RABGAP1L: variants seen among roughly 807,000 people sequenced by gnomAD.
RABGAP1L encodes the protein RAB GTPase activating protein 1 like, also known as rab GTPase-activating protein 1-like.
A neutral mutation model predicts 137.7 loss-of-function variants in RABGAP1L; 63 were observed. The observed-to-expected ratio is 0.46, with a 90% CI of 0.37 to 0.56. The LOEUF (loss-of-function observed/expected upper bound fraction) is 0.56, where lower values mean the gene tolerates loss of function less well. Among genes scored for constraint, RABGAP1L ranks in the 20% least tolerant of loss-of-function variants. The probability of loss-of-function intolerance (pLI) is 0.00; values close to 1 mark genes in which losing one functional copy is unlikely to be tolerated. For synonymous variants in RABGAP1L, 431 were observed against 433.7 expected (o/e 0.99, Z 0.08); for missense variants, 1,095 against 1,244.0 (o/e 0.88, Z 1.80).
intron 11 of RABGAP1L, among the ~76,000 whole-genome samples, chr1:174,322,796 G>T (rs1322748655): frequency 1.3e-5 from 2 of 152,226 alleles, no homozygotes; most frequent in East Asian, 1.9e-4. Context: ...ACATGCAGGA[G>T]ATTTTGGGGG....
intron 1 of RABGAP1L, among the ~76,000 whole-genome samples, chr1:174,212,609 C>T (rs552734840): frequency 5.9e-5 from 9 of 151,896 alleles, no homozygotes; most frequent in East Asian, 5.8e-4. Flanking sequence ...TTCAAGTAAG[C>T]GACCTAACAA....
At chr1:174,255,116 G>T (rs1053380848) in intron 7 of RABGAP1L, among the ~76,000 whole-genome samples, 3 of 151,860 alleles carry the variant, frequency 2.0e-5, no homozygotes, top group African/African-American at 4.8e-5. Flanking sequence ...TCATATGTTT[G>T]TTGGCCGCAT....
At chr1:174,247,731 C>T (rs1571763933) in intron 5 of RABGAP1L, among the ~76,000 whole-genome samples, 1 of 152,128 alleles carries the variant, frequency 6.6e-6, no homozygotes, top group Non-Finnish European at 1.5e-5. Flanking sequence ...CCACCTGCTA[C>T]GTGAATTGCA....
chr1:174,383,144 C>G (rs1381886027), intron 12 of RABGAP1L, among the ~76,000 whole-genome samples: 26 of 144,252 alleles, frequency 1.8e-4, no homozygotes, highest in East Asian at 4.1e-4. Flanking sequence ...GCAGTCTGCC[C>G]GTTCTCAGAT....
Position 174,990,647 on chromosome 1 carries a change from T to C in RABGAP1L, c.*646T>C, listed in dbSNP as rs990211301. 5 of 152,222 alleles carry C rather than the reference T, an allele frequency of 3.3e-5. No homozygotes were observed. The highest frequency in any genetic ancestry group is 9.7e-5 in the African/African-American group (4 of 41,448). 9.4% of individuals were successfully genotyped at this position (152,222 alleles called of 1,614,324 possible). ...AGATTATACGCTAGGTAAAAGGAAC[T>C]GAAATTTTAATAAGTGTAGGTCAGG... On this transcript the variant is annotated 3_prime_UTR_variant, in exon 26 of 26. Transcript: ENST00000681986.
chr1:174,308,947 C>G (rs1678558269), intron 11 of RABGAP1L, among the ~76,000 whole-genome samples: 1 of 151,846 alleles, frequency 6.6e-6, no homozygotes, highest in African/African-American at 2.4e-5. Context: ...GTGTTGTGAT[C>G]TGTAGATTTC....
chr1:174,694,095 A>T (rs1679071827), intron 15 of RABGAP1L, among the ~76,000 whole-genome samples: 1 of 152,222 alleles, frequency 6.6e-6, no homozygotes, highest in South Asian at 2.1e-4. Context: ...GATGATTTAA[A>T]GTAGATTACT....
intron 10 of RABGAP1L, among the ~76,000 whole-genome samples, chr1:174,290,678 AT>A (rs1052309481): frequency 3.3e-5 from 5 of 151,270 alleles, no homozygotes; most frequent in African/African-American, 1.2e-4. Context: ...TTTATTGTTT[AT>A]TTTTAGAATA....
chr1:174,171,306 A>G (rs1193637617), intron 1 of RABGAP1L, among the ~76,000 whole-genome samples: 1 of 152,078 alleles, frequency 6.6e-6, no homozygotes, highest in African/African-American at 2.4e-5. Context: ...TTCTTTGTCC[A>G]TTTCTAAAAT....
At chr1:174,384,036 G>A (rs1365217042) in intron 12 of RABGAP1L, among the ~76,000 whole-genome samples, 3 of 152,078 alleles carry the variant, frequency 2.0e-5, no homozygotes, top group South Asian at 2.1e-4. Context: ...CCAAATGTCC[G>A]TCAAAAGTAA....
chr1:174,302,216 T>C (rs1314666839), intron 10 of RABGAP1L, among the ~76,000 whole-genome samples: 2 of 152,252 alleles, frequency 1.3e-5, no homozygotes, highest in Non-Finnish European at 2.9e-5. Context: ...CCACTTTTGC[T>C]GCTTCATTAT....
At chr1:174,652,319 G>A (rs1675584114) in intron 14 of RABGAP1L, among the ~76,000 whole-genome samples, 1 of 152,020 alleles carries the variant, frequency 6.6e-6, no homozygotes, top group African/African-American at 2.4e-5. Context: ...GTGTCTTGGA[G>A]CTCCATCCAG....
chr1:174,891,303 A>G (rs1656099884), intron 19 of RABGAP1L, among the ~76,000 whole-genome samples: 1 of 152,188 alleles, frequency 6.6e-6, no homozygotes, highest in Admixed American at 6.5e-5. Context: ...CAGGAAATAG[A>G]GAGTGGGAGT....
At chr1:174,582,921 C>A (rs1173119033) in intron 13 of RABGAP1L, among the ~76,000 whole-genome samples, 1 of 151,942 alleles carries the variant, frequency 6.6e-6, no homozygotes, top group Admixed American at 6.6e-5. Context: ...TTTTCTTAAC[C>A]AAAAATAGCA....
At chr1:174,218,652 T>A (rs990812699) in intron 1 of RABGAP1L, among the ~76,000 whole-genome samples, 12 of 152,182 alleles carry the variant, frequency 7.9e-5, no homozygotes, top group African/African-American at 2.9e-4. Context: ...AGAAAAAATA[T>A]TTGCAGGTAC....
intron 13 of RABGAP1L, among the ~76,000 whole-genome samples, chr1:174,598,536 C>G (rs896310103): frequency 6.6e-6 from 1 of 152,068 alleles, no homozygotes; most frequent in Non-Finnish European, 1.5e-5. Context: ...GTATTGGGGT[C>G]TATCTCTTTC....
At chr1:174,817,957 A>G (rs377013124) in intron 19 of RABGAP1L, among the ~76,000 whole-genome samples, 2 of 152,364 alleles carry the variant, frequency 1.3e-5, no homozygotes, top group African/African-American at 4.8e-5. Context: ...TGGAAATCAC[A>G]CTGAGAAAGG....
intron 13 of RABGAP1L, among the ~76,000 whole-genome samples, chr1:174,606,166 G>C (rs1442499367): frequency 6.6e-6 from 1 of 152,146 alleles, no homozygotes; most frequent in Non-Finnish European, 1.5e-5. Flanking sequence ...ACATTTTGAA[G>C]ACTCCTCATA....
In RABGAP1L at chr1:174,178,351, G is replaced by C. The variant is rs563447200; in HGVS notation, c.-34+18694G>C. ...GAGACTTTGCCGAAGTTGCTTATCA[G>C]CTTAAGGAGTTTTTGGGCTGAGATG... On this transcript the variant is annotated intron_variant, in intron 1 of 25. Transcript: ENST00000681986. Among the ~76,000 whole-genome samples, 3 of 152,254 alleles carry C rather than the reference G, an allele frequency of 2.0e-5. No individual in the cohort carries two copies. In the South Asian group the frequency reaches 6.2e-4, roughly 32 times the overall value.
Sources: gnomAD v4.1 joint callset for allele counts (sites outside exome capture counted in the v4.1 genomes callset) on GRCh38, gnomAD v4.1.1 for gene constraint, MANE v1.5 for transcripts, NCBI Gene and HGNC (gene_info 2026-07-23, HGNC 2026-07-21) for gene names.